The following TCOF1 variants were observed in gnomAD, a reference collection of about 807,000 sequenced individuals.
TCOF1 encodes treacle ribosome biogenesis factor 1, also known as treacle protein.
A neutral mutation model predicts 149.0 loss-of-function variants in TCOF1; 33 were observed. The ratio of observed to expected loss-of-function variants is 0.22; its 90% CI spans 0.17 to 0.30. TCOF1 has a LOEUF of 0.30. Ranked by LOEUF, TCOF1 falls within the 10% of genes least tolerant of loss-of-function variation. TCOF1 has a pLI of 1.00. For missense variants in TCOF1, 1,728 were observed against 1,840.7 expected (o/e 0.94, Z 1.12); for synonymous variants, 789 against 738.8 (o/e 1.07, Z -1.10).
rs1214653666 is a variant in TCOF1 at position 150,392,868 on chromosome 5, C to T, written c.3603+78C>T. 8 of 1,527,354 alleles carry T rather than the reference C, an allele frequency of 5.2e-6. No homozygotes were observed. The Admixed American group carries it at 1.5e-4, about 28-fold the overall frequency. 94.6% of individuals were successfully genotyped at this position (1,527,354 alleles called of 1,614,324 possible). On this transcript the variant is annotated intron_variant, in intron 22 of 26. Transcript: ENST00000643257. The stretch of plus-strand genomic sequence containing the variant: ...GGCCAGGCTCCTGTCTACCCGATCC[C>T]TCAGGTCAGGGGTCTGGGTCCCCTC...
rs199552790 is a variant in TCOF1, at chr5:150,376,424, C to T, written c.2144C>T (p.Ala715Val). 3.7e-6 allele frequency: 6 copies of T among 1,614,150 alleles called. No individual in the cohort carries two copies. Among genetic ancestry groups the T allele is most frequent in the Non-Finnish European group, 5.1e-6 (6 of 1,180,010 alleles). Residue 715 changes from alanine to valine, a missense_variant and splice_region_variant, in exon 14 of 27, where the codon GCA (alanine) becomes GTA (valine). By Grantham distance (64) the Ala-to-Val change is moderately conservative. Around this residue, in one of 2 missense-constraint regions of TCOF1, gnomAD observed 1,696 missense variants for 1,765.4 expected, o/e 0.96. Coordinates refer to ENST00000643257, the MANE Select transcript of TCOF1 (RefSeq NM_001371623.1). ...KTGLAVTVGQAKSVGKGLQVK... is the reference protein window; with the variant it reads ...KTGLAVTVGQVKSVGKGLQVK... ...CCTCTCTTCCCCTTGTCATCCCAGG[C>T]AAAGTCTGTGGGGAAAGGCCTCCAG...
intron 1 of TCOF1, among the ~76,000 whole-genome samples, chr5:150,359,817 G>A (rs1299373902): frequency 6.6e-6 from 1 of 152,222 alleles, no homozygotes; most frequent in Non-Finnish European, 1.5e-5. Context: ...TATATCCAAT[G>A]ATAGTTGGTG....
At chr5:150,357,941 C>G in intron 1 of TCOF1, 87 bp downstream of exon 1, 1 of 1,424,888 alleles carries the variant, frequency 7.0e-7, no homozygotes. Context: ...CCAGGCGACC[C>G]GGCAGGCGCC....
Position 150,376,408 on chromosome 5 carries a change from C to G in TCOF1, c.2143-15C>G. 6.2e-7 allele frequency: 1 copy of G among 1,614,190 alleles called. No individual in the cohort carries two copies. Among genetic ancestry groups the G allele is most frequent in the East Asian group, 2.2e-5 (1 of 44,880 alleles). ...TGGACTCCTGGAGACACCTCTCTTC[C>G]CCTTGTCATCCCAGGCAAAGTCTGT... On this transcript the variant is annotated splice_polypyrimidine_tract_variant and intron_variant, in intron 13 of 26. Coordinates refer to ENST00000643257, the MANE Select transcript of TCOF1 (RefSeq NM_001371623.1).
chr5:150,371,013 A>T (rs1193519570), intron 6 of TCOF1, among the ~76,000 whole-genome samples: 2 of 152,124 alleles, frequency 1.3e-5, no homozygotes, highest in Non-Finnish European at 2.9e-5. Context: ...CCTGGGTTGG[A>T]GGGCAGTGCA....
At chr5:150,380,856 A>G (rs1366472610) in intron 17 of TCOF1, 1 of 152,110 alleles carries the variant, frequency 6.6e-6, no homozygotes, top group Non-Finnish European at 1.5e-5. Context: ...AAAAAATACA[A>G]AAATTAGCCA....
At chr5:150,399,371 A>T (rs1561545540) in intron 26 of TCOF1, among the ~76,000 whole-genome samples, 1 of 152,120 alleles carries the variant, frequency 6.6e-6, no homozygotes, top group African/African-American at 2.4e-5. Context: ...GTGAGGTCGG[A>T]TACAGCTTGG....
chr5:150,366,756 G>A (rs1250837979), intron 3 of TCOF1, among the ~76,000 whole-genome samples: 3 of 61,224 alleles, frequency 4.9e-5, no homozygotes, highest in Non-Finnish European at 9.0e-5. Context: ...CCGGGTTCAC[G>A]CCATTCTCCT....
chr5:150,375,034 A>G lies in TCOF1; in HGVS notation c.1359A>G (p.Pro453=), dbSNP rs759876651. The part of the protein sequence containing the change: ...AKESPRKGAA[P]APPRKTGPAA... ...AGTCCCCCAGGAAAGGGGCTGCCCC[A>G]GCACCTCCTAGGAAAACAGGGCCTG... Residue 453 remains proline (P), a synonymous_variant, in exon 10 of 27, where the codon CCA becomes CCG. Coordinates refer to ENST00000643257, the MANE Select transcript of TCOF1 (RefSeq NM_001371623.1). 7 of 1,613,744 alleles carry G rather than the reference A, an allele frequency of 4.3e-6. No individual in the cohort carries two copies. The East Asian group carries it at 1.3e-4, about 31-fold the overall frequency.
Position 150,372,196 on chromosome 5 carries a change from C to G in TCOF1, c.830C>G (p.Ser277Cys). ...EEESESSEEG[S>C]ESEEEAPAGT... is the part of the protein sequence containing the mutation. ...GAGTCAGAGAGTAGTGAGGAGGGATCTGAAAGTGAGGAGGAGGCCCCTGCA... is the reference window on the plus strand; with the variant it reads ...GAGTCAGAGAGTAGTGAGGAGGGATGTGAAAGTGAGGAGGAGGCCCCTGCA... The change falls in exon 7 of 27, where the codon TCT becomes TGT. Residue 277 changes from serine (S) to cysteine (C), a missense_variant. Coordinates refer to ENST00000643257, the MANE Select transcript of TCOF1 (RefSeq NM_001371623.1). 6.2e-7 allele frequency: 1 copy of G among 1,602,028 alleles called. No homozygotes were observed. Among genetic ancestry groups the G allele is most frequent in the Non-Finnish European group, 8.6e-7 (1 of 1,169,476 alleles).
chr5:150,378,159 T>TG (rs1330961566), intron 14 of TCOF1, among the ~76,000 whole-genome samples: 2 of 152,184 alleles, frequency 1.3e-5, no homozygotes, highest in Non-Finnish European at 2.9e-5. Flanking sequence ...TGAGGAATGC[T>TG]GGGGGATGGG....
chr5:150,378,767 A>T, intron 14 of TCOF1, 138 bp from the exon 15 acceptor site: 2 of 1,194,096 alleles, frequency 1.7e-6, no homozygotes, highest in Non-Finnish European at 2.5e-6. Flanking sequence ...AGATCAAGTG[A>T]TGAGCTCAGG....
chr5:150,373,117 G>A (rs915991292), intron 7 of TCOF1, among the ~76,000 whole-genome samples: 4 of 152,024 alleles, frequency 2.6e-5, no homozygotes, highest in African/African-American at 9.7e-5. Context: ...GTCTTGCTCT[G>A]TTGCCCAAGC....
intron 21 of TCOF1, 41 bp from the exon 22 acceptor site, chr5:150,392,664 G>T (rs752807950): frequency 6.2e-7 from 1 of 1,609,342 alleles, no homozygotes; most frequent in South Asian, 1.1e-5. Flanking sequence ...CGGCTGGCAG[G>T]GGCCACCTGG....
rs41287124 is a variant in TCOF1 at position 150,367,792 on chromosome 5, A to G, written c.305-52A>G. ...GTGAGATGAAACCTGTTTGCCATTC[A>G]TAGATGAGAAAAGCTCATCTGGCTC... On this transcript the variant is annotated intron_variant, in intron 3 of 26. Coordinates refer to ENST00000643257, the MANE Select transcript of TCOF1 (RefSeq NM_001371623.1). The G allele has an allele frequency of 0.013, 20,470 of 1,598,618 alleles. 139 individuals carry two copies. Among genetic ancestry groups the G allele is most frequent in the Admixed American group, 0.015 (901 of 59,712 alleles).
chr5:150,373,464 G>A (rs1762995066), intron 7 of TCOF1, among the ~76,000 whole-genome samples: 1 of 152,228 alleles, frequency 6.6e-6, no homozygotes, highest in African/African-American at 2.4e-5. Context: ...CTTCTTAGAA[G>A]ATCAGAGCTG....
rs1262975701 is a variant in TCOF1 at position 150,376,589 on chromosome 5, A to G, written c.2309A>G (p.Asp770Gly). Residue 770 changes from aspartate to glycine, a missense_variant, in exon 14 of 27, where the codon GAC becomes GGC. This residue lies in a region of TCOF1 where 1,696 missense variants were observed against 1,765.4 expected (regional missense o/e 0.96). Transcript: ENST00000643257. The part of the protein sequence containing the change: ...EDSESSEEES[D>G]SEEAAASPAQ... ...TCTGAGAGCAGTGAGGAGGAATCAG[A>G]CAGTGAGGAAGCAGCTGCATCTCCA... 1.3e-6 allele frequency: 2 copies of G among 1,580,864 alleles called. No homozygotes were observed. The highest frequency in any genetic ancestry group is 1.7e-6 in the Non-Finnish European group (2 of 1,163,408).
chr5:150,391,560 C>T lies in TCOF1; in HGVS notation c.3200C>T (p.Pro1067Leu). Reference protein sequence around the residue: ...GPATQVSKKNPASLPLTQAAL... With the variant: ...GPATQVSKKNLASLPLTQAAL... ...CACCCACAGGTGTCAAAGAAGAACC[C>T]AGCTTCCCTCCCACTGACCCAGGCT... The change falls in exon 20 of 27, where the codon CCA (proline) becomes CTA (leucine). Residue 1067 changes from proline (P) to leucine (L), a missense_variant. Coordinates refer to ENST00000643257, the MANE Select transcript of TCOF1 (RefSeq NM_001371623.1). The T allele has an allele frequency of 6.2e-7, 1 of 1,614,132 alleles. No homozygotes were observed. The highest frequency in any genetic ancestry group is 1.3e-5 in the African/African-American group (1 of 75,052).
chr5:150,372,469 CCAGTCCTGCTGT>C (rs1762762184), intron 7 of TCOF1, among the ~76,000 whole-genome samples: 1 of 152,254 alleles, frequency 6.6e-6, no homozygotes. Context: ...CTCGTCCCAG[CCAGTCCTGCTGT>C]GAGGGACTTG....
Sources: allele counts gnomAD v4.1 joint callset (sites outside exome capture counted in the v4.1 genomes callset), GRCh38; gene constraint gnomAD v4.1.1; regional missense constraint gnomAD v4.1.1; transcripts MANE v1.5; gene names NCBI Gene and HGNC (gene_info 2026-07-23, HGNC 2026-07-21).